The following IL19 variants were observed in gnomAD, a reference collection of about 807,000 sequenced individuals.
The protein encoded by IL19 is interleukin 19.
A neutral mutation model predicts 19.5 loss-of-function variants in IL19; 15 were observed. That is an observed-to-expected ratio of 0.77 (90% CI 0.52 to 1.19). The LOEUF (loss-of-function observed/expected upper bound fraction) is 1.19. Among genes scored for constraint, IL19 ranks in the 50% most tolerant of loss-of-function variants. The pLI is 0.00. For synonymous variants in IL19, 78 were observed against 78.3 expected (o/e 1.00, Z 0.02); for missense variants, 199 against 213.1 (o/e 0.93, Z 0.41).
In IL19 at chr1:206,827,710, C is replaced by CA. The variant is rs528463884; in HGVS notation, c.-2-8943dup. Among the ~76,000 whole-genome samples the CA allele has an allele frequency of 4.2e-4, 2 of 4,792 alleles. 1 individual carries two copies. 3.1% of individuals were successfully genotyped at this position (4,792 alleles called of 152,430 possible). A position where few individuals can be genotyped will look rare whatever the true frequency, so the allele number is the denominator to read the frequency against. ...TCTCAAAAAACAAAACAAAACAAAA[C>CA]AAAAAAAACAAAAAGAACAAAATGC... is the stretch of plus-strand genomic sequence containing the variant. On this transcript the variant is annotated intron_variant, in intron 2 of 6. Coordinates refer to ENST00000659997, the MANE Select transcript of IL19 (RefSeq NM_153758.5).
In IL19 at chr1:206,783,555, T is replaced by C. The variant is rs137915336; in HGVS notation, c.-149+12477T>C. ...AGTCAACTGGTTTCACGAAAGCGGC[T>C]AAGGGTTGTGCACTTGAGCCTCTCT... On this transcript the variant is annotated intron_variant, in intron 1 of 6. Transcript: ENST00000659997. 4.2e-3 allele frequency among the ~76,000 whole-genome samples: 638 copies of C among 152,310 alleles called. 4 individuals carry two copies. Among genetic ancestry groups the C allele is most frequent in the African/African-American group, 0.015 (607 of 41,548 alleles).
At chr1:206,811,393 G>A (rs551357219) in intron 2 of IL19, among the ~76,000 whole-genome samples, 2 of 148,032 alleles carry the variant, frequency 1.4e-5, no homozygotes, top group South Asian at 2.2e-4. Flanking sequence ...GTAGTGAGCC[G>A]AGATCTCGCC....
chr1:206,802,241 A>T (rs534015409), intron 2 of IL19, among the ~76,000 whole-genome samples: 25 of 152,176 alleles, frequency 1.6e-4, no homozygotes, highest in Admixed American at 2.6e-4. Flanking sequence ...AGACTTTAAA[A>T]CACATGGCTT....
chr1:206,807,584 G>C (rs1675879763), intron 2 of IL19, among the ~76,000 whole-genome samples: 1 of 151,940 alleles, frequency 6.6e-6, no homozygotes, highest in South Asian at 2.1e-4. Flanking sequence ...ATGTTCTCTG[G>C]TCTCAAAATC....
chr1:206,785,461 G>T (rs1675248645), intron 1 of IL19, among the ~76,000 whole-genome samples: 1 of 152,216 alleles, frequency 6.6e-6, no homozygotes, highest in Non-Finnish European at 1.5e-5. Context: ...AAATCCCTGG[G>T]TGGTTCTAAT....
chr1:206,834,411 C>T (rs555879302), intron 2 of IL19: 78 of 985,642 alleles, frequency 7.9e-5, no homozygotes, highest in Non-Finnish European at 9.2e-5. Flanking sequence ...GTGAGGCTCA[C>T]GCTGTCCGTC....
At chr1:206,811,431 A>G (rs1676006617) in intron 2 of IL19, among the ~76,000 whole-genome samples, 1 of 141,622 alleles carries the variant, frequency 7.1e-6, no homozygotes, top group Non-Finnish European at 1.5e-5. Context: ...GTGACAGAGC[A>G]AGACTCCGTC....
chr1:206,810,410 G>A (rs778972885), intron 2 of IL19, among the ~76,000 whole-genome samples: 5 of 152,192 alleles, frequency 3.3e-5, no homozygotes, highest in Non-Finnish European at 5.9e-5. Context: ...AAGGAGGAAG[G>A]AATGATGGAG....
intron 2 of IL19, among the ~76,000 whole-genome samples, chr1:206,829,635 G>A (rs1157651598): frequency 6.6e-6 from 1 of 152,156 alleles, no homozygotes; most frequent in African/African-American, 2.4e-5. Flanking sequence ...TATGCTGGGA[G>A]TTTTAGACTG....
At chr1:206,823,579 A>T (rs1361946975) in intron 2 of IL19, among the ~76,000 whole-genome samples, 1 of 151,816 alleles carries the variant, frequency 6.6e-6, no homozygotes, top group African/African-American at 2.4e-5. Context: ...CAAGACACCA[A>T]GATTATTCCT....
Position 206,842,656 on chromosome 1 carries a change from A to T in IL19, c.*34A>T. Reference sequence around the variant, plus strand: ...AACCTGTATAGTGATCCAGGGATGAACACCCCCTGTGCGGTTTACTGTGGG... The same window carrying T: ...AACCTGTATAGTGATCCAGGGATGATCACCCCCTGTGCGGTTTACTGTGGG... On this transcript the variant is annotated 3_prime_UTR_variant, in exon 7 of 7. Transcript: ENST00000659997. 7.7e-7 allele frequency: 1 copy of T among 1,305,312 alleles called. No homozygotes were observed. The highest frequency in any genetic ancestry group is 1.3e-5 in the South Asian group (1 of 78,670). The allele number at this position is 1,305,312 out of a possible 1,614,324, so 80.9% of individuals were successfully genotyped here. A position where few individuals can be genotyped will look rare whatever the true frequency, so the allele number is the denominator to read the frequency against.
In IL19 at chr1:206,821,494, A is replaced by G. The variant is rs538220113; in HGVS notation, c.-2-15167A>G. Among the ~76,000 whole-genome samples, 11 of 152,280 alleles carry G rather than the reference A, an allele frequency of 7.2e-5. No homozygotes were observed. In the South Asian group the frequency reaches 1.7e-3, roughly 23 times the overall value. ...GCTCTCCCATTAGGGTTTTTCTTTA[A>G]CAGGGACCTTGGACAACGTTGGCAC... On this transcript the variant is annotated intron_variant, in intron 2 of 6. Transcript: ENST00000659997.
intron 1 of IL19, among the ~76,000 whole-genome samples, chr1:206,787,219 A>G (rs555163349): frequency 6.6e-5 from 10 of 152,308 alleles, no homozygotes; most frequent in African/African-American, 2.2e-4. Context: ...AATTCTTTCA[A>G]TTCAGCACTG....
intron 1 of IL19, chr1:206,771,504 T>G: frequency 8.6e-7 from 1 of 1,161,696 alleles, no homozygotes; most frequent in African/African-American, 1.5e-5. Context: ...TTAGAGATTT[T>G]TTTTTTTAAA....
chr1:206,805,917 C>A (rs1675833218), intron 2 of IL19, among the ~76,000 whole-genome samples: 1 of 152,200 alleles, frequency 6.6e-6, no homozygotes, highest in South Asian at 2.1e-4. Context: ...TTAATGAAGT[C>A]CAAGGGTTCA....
chr1:206,826,837 C>T (rs1048800781), intron 2 of IL19, among the ~76,000 whole-genome samples: 13 of 152,156 alleles, frequency 8.5e-5, no homozygotes, highest in African/African-American at 3.1e-4. Flanking sequence ...GGAAGAGATG[C>T]CTGTTTCTAT....
At chr1:206,826,325 T>C (rs985409308) in intron 2 of IL19, among the ~76,000 whole-genome samples, 18 of 152,306 alleles carry the variant, frequency 1.2e-4, no homozygotes, top group African/African-American at 4.1e-4. Context: ...GGTGGAGATT[T>C]AGACAACCCA....
chr1:206,784,331 C>A (rs143195775), intron 1 of IL19, among the ~76,000 whole-genome samples: 1 of 152,180 alleles, frequency 6.6e-6, no homozygotes, highest in Non-Finnish European at 1.5e-5. Context: ...CTGTTCCCCT[C>A]GGCAGGAGCG....
In IL19 at chr1:206,836,953, C is replaced by T; in HGVS notation, c.145-5C>T. 1 of 1,613,332 alleles carries T rather than the reference C, an allele frequency of 6.2e-7. No homozygotes were observed. Among genetic ancestry groups the T allele is most frequent in the Non-Finnish European group, 8.5e-7 (1 of 1,179,256 alleles). ...TTATGTCTGTTCTTATGTTTCCCTC[C>T]ACAGCAAGCTAAGGACACCTTCCCA... is the stretch of plus-strand genomic sequence containing the variant. On this transcript the variant is annotated splice_polypyrimidine_tract_variant and splice_region_variant and intron_variant, in intron 3 of 6. Coordinates refer to ENST00000659997, the MANE Select transcript of IL19 (RefSeq NM_153758.5).
Sources: gnomAD v4.1 joint callset for allele counts (sites outside exome capture counted in the v4.1 genomes callset) on GRCh38, gnomAD v4.1.1 for gene constraint, MANE v1.5 for transcripts, NCBI Gene and HGNC (gene_info 2026-07-23, HGNC 2026-07-21) for gene names.